Variants in PRPF31 observed in about 807,000 individuals in gnomAD.
The protein encoded by PRPF31 is U4/U6 small nuclear ribonucleoprotein Prp31.
PRPF31 carries 12 observed loss-of-function variants against 60.4 expected under a neutral mutation model. The ratio of observed to expected loss-of-function variants is 0.20; its 90% CI spans 0.13 to 0.32. PRPF31 has a LOEUF of 0.32. PRPF31 is among the 10% of genes least tolerant of loss of function. The pLI is 1.00. For missense variants in PRPF31, 431 were observed against 687.1 expected, an observed-to-expected ratio of 0.63 and a Z score of 4.17; for synonymous variants, 287 against 287.9, an observed-to-expected ratio of 1.00 and a Z score of 0.03.
chr19:54,124,074 C>G, intron 7 of PRPF31, 156 bp downstream of exon 7: 1 of 1,441,582 alleles, frequency 6.9e-7, no homozygotes, highest in South Asian at 1.4e-5. Context: ...TGGCACACAG[C>G]AAAGCCTCAT....
chr19:54,131,460 C>T lies in PRPF31; in HGVS notation c.*28C>T. ...GACTGCGTGTGTCCAAGGTGGCTTCCCACTGAAGGGACACAGAGGTCCAGT... is the reference window on the plus strand; with the variant it reads ...GACTGCGTGTGTCCAAGGTGGCTTCTCACTGAAGGGACACAGAGGTCCAGT... On this transcript the variant is annotated 3_prime_UTR_variant, in exon 14 of 14. Coordinates refer to ENST00000321030, the MANE Select transcript of PRPF31 (RefSeq NM_015629.4). 1 of 1,613,548 alleles carries T rather than the reference C, an allele frequency of 6.2e-7. No individual in the cohort carries two copies.
chr19:54,121,986 C>A (rs1305389020), intron 4 of PRPF31, 43 bp downstream of exon 4: 2 of 1,548,936 alleles, frequency 1.3e-6, no homozygotes, highest in African/African-American at 2.7e-5. Flanking sequence ...GTGTGACGTC[C>A]CTCACGCCCC....
rs2074051250 is a variant in PRPF31, at chr19:54,131,693, A to G, written c.*261A>G. ...AAGGAGATTTTTTGAAAAGAGTACA[A>G]TTAAAAGGACATTGTCAAGATCTGT... On this transcript the variant is annotated 3_prime_UTR_variant, in exon 14 of 14. Transcript: ENST00000321030. The G allele has an allele frequency of 1.2e-5, 7 of 576,602 alleles. No homozygotes were observed. Among genetic ancestry groups the G allele is most frequent in the South Asian group, 1.2e-4 (6 of 50,272 alleles). 35.7% of individuals were successfully genotyped at this position (576,602 alleles called of 1,614,324 possible).
At chr19:54,128,427 C>T (rs1382931566) in intron 11 of PRPF31, 50 bp downstream of exon 11, 9 of 1,504,640 alleles carry the variant, frequency 6.0e-6, no homozygotes, top group Non-Finnish European at 6.3e-6. Flanking sequence ...CCAGCCGCCA[C>T]CGCCCTCTGC....
At position 54,124,614 on chromosome 19, in the gene PRPF31, C is replaced by G. The variant is rs139026272; in HGVS notation, c.813C>G (p.Thr271=). 1 of 1,613,634 alleles carries G rather than the reference C, an allele frequency of 6.2e-7. No individual in the cohort carries two copies. The highest frequency in any genetic ancestry group is 1.7e-5 in the Admixed American group (1 of 60,030). The change falls in exon 8 of 14, where the codon ACC becomes ACG. Residue 271 remains threonine, a synonymous_variant. Coordinates refer to ENST00000321030, the MANE Select transcript of PRPF31 (RefSeq NM_015629.4). ...CGTCTACCTCAGTGCTGCCCCACAC[C>G]GGCTACATCTACCACAGTGACATCG... ...GFSSTSVLPH[T]GYIYHSDIVQ...
chr19:54,118,344 C>T lies in PRPF31; in HGVS notation c.66C>T (p.Ser22=). The T allele has an allele frequency of 6.2e-7, 1 of 1,613,834 alleles. No homozygotes were observed. Among genetic ancestry groups the T allele is most frequent in the South Asian group, 1.1e-5 (1 of 91,068 alleles). The change falls in exon 2 of 14, where the codon AGC becomes AGT. Residue 22 remains serine (S), a synonymous_variant. Transcript: ENST00000321030. Reference sequence around the variant, plus strand: ...CAGCAGAAGAGGAGGAAGGAGGAAGCTATGGGGAGGAAGAAGAGGAGCCAG... The same window carrying T: ...CAGCAGAAGAGGAGGAAGGAGGAAGTTATGGGGAGGAAGAAGAGGAGCCAG... ...EEAAEEEEGG[S]YGEEEEEPAI... is the part of the protein sequence containing the mutation.
intron 11 of PRPF31, 122 bp downstream of exon 11, chr19:54,128,499 G>C: frequency 5.2e-6 from 5 of 968,444 alleles, no homozygotes; most frequent in Non-Finnish European, 7.8e-6. Flanking sequence ...CGCTGCCCCA[G>C]CCTCCCCCCC....
chr19:54,126,022 G>A (rs1301519329), intron 8 of PRPF31, among the ~76,000 whole-genome samples: 2 of 152,246 alleles, frequency 1.3e-5, no homozygotes, highest in African/African-American at 2.4e-5. Context: ...GCCAGGGCTG[G>A]CCATCGCTTC....
chr19:54,128,957 G>C (rs1294687840), intron 11 of PRPF31, 100 bp from the exon 12 acceptor site: 1 of 1,288,368 alleles, frequency 7.8e-7, no homozygotes, highest in African/African-American at 1.5e-5. Context: ...GGACCGGCCG[G>C]CTGGTGACCG....
chr19:54,124,477 T>C, intron 7 of PRPF31, 22 bp from the exon 8 acceptor site: 1 of 1,443,930 alleles, frequency 6.9e-7, no homozygotes, highest in Non-Finnish European at 9.3e-7. Context: ...CGCCCCCCCT[T>C]CCTCCCTCCC....
chr19:54,124,774 G>C, intron 8 of PRPF31, 118 bp downstream of exon 8: 2 of 1,238,062 alleles, frequency 1.6e-6, no homozygotes, highest in East Asian at 4.8e-5. Flanking sequence ...CAGGAGCTGG[G>C]AACAGGGTGG....
chr19:54,120,203 A>G (rs1413010062), intron 3 of PRPF31: 1 of 152,230 alleles, frequency 6.6e-6, no homozygotes, highest in Non-Finnish European at 1.5e-5. Context: ...AATCCTGCAG[A>G]GTTCCAGATG....
intron 9 of PRPF31, among the ~76,000 whole-genome samples, chr19:54,127,508 C>T (rs1240084216): frequency 6.6e-6 from 1 of 150,764 alleles, no homozygotes; most frequent in Admixed American, 6.6e-5. Context: ...CTTCACGTCC[C>T]TTTTGCCCTG....
chr19:54,129,225 A>C (rs772111356), intron 12 of PRPF31, 40 bp downstream of exon 12: 1 of 1,601,116 alleles, frequency 6.2e-7, no homozygotes, highest in Non-Finnish European at 8.5e-7. Flanking sequence ...ACCGAGGGAC[A>C]CAAGGTGGGG....
intron 10 of PRPF31, 37 bp downstream of exon 10, chr19:54,128,237 A>G (rs1250355223): frequency 1.9e-6 from 3 of 1,565,024 alleles, no homozygotes; most frequent in African/African-American, 2.7e-5. Context: ...CATGGGGGTC[A>G]TGGAGGGGAG....
At chr19:54,124,198 C>G in intron 7 of PRPF31, 1 of 684,792 alleles carries the variant, frequency 1.5e-6, no homozygotes. Context: ...GAAAATGGTT[C>G]CAAAACACAG....
chr19:54,130,453 G>T (rs1224984009), intron 13 of PRPF31, among the ~76,000 whole-genome samples: 2 of 152,028 alleles, frequency 1.3e-5, no homozygotes, highest in African/African-American at 4.8e-5. Context: ...GTGAAACCCC[G>T]TCTCTACTAA....
chr19:54,129,268 A>G lies in PRPF31; in HGVS notation c.1276-4A>G. The G allele has an allele frequency of 6.2e-7, 1 of 1,610,868 alleles. No individual in the cohort carries two copies. The highest frequency in any genetic ancestry group is 8.5e-7 in the Non-Finnish European group (1 of 1,179,204). ...AGATCGCAGCCTCCCTGTCCTCCCC[A>G]CAGCGGACCCTGCAGAAGCAGAGCG... On this transcript the variant is annotated splice_polypyrimidine_tract_variant and splice_region_variant and intron_variant, in intron 12 of 13. Transcript: ENST00000321030.
rs769060905 is a variant in PRPF31 at position 54,126,542 on chromosome 19, A to T, written c.870A>T (p.Lys290Asn). 1 of 1,613,294 alleles carries T rather than the reference A, an allele frequency of 6.2e-7. No individual in the cohort carries two copies. The highest frequency in any genetic ancestry group is 8.5e-7 in the Non-Finnish European group (1 of 1,179,782). The change falls in exon 9 of 14, where the codon AAA becomes AAT. Residue 290 changes from lysine to asparagine, a missense_variant. Lys to Asn is a moderately conservative substitution (Grantham distance 94). Coordinates refer to ENST00000321030, the MANE Select transcript of PRPF31 (RefSeq NM_015629.4). ...CGTTGCTCCAGGATCTGCGGCGGAA[A>T]GCGGCCCGGCTGGTGGCCGCCAAGT... The part of the protein sequence containing the change: ...VQSLPPDLRR[K>N]AARLVAAKCT...
Sources: allele counts gnomAD v4.1 joint callset (sites outside exome capture counted in the v4.1 genomes callset), GRCh38; gene constraint gnomAD v4.1.1; transcripts MANE v1.5; gene names NCBI Gene and HGNC (gene_info 2026-07-23, HGNC 2026-07-21).